Variants in TSPAN12 observed in about 807,000 individuals in gnomAD.
The protein encoded by TSPAN12 is tetraspanin 12, also known as tetraspanin-12.
In TSPAN12, 19 loss-of-function variants were observed where a neutral mutation model predicts 39.2. That is an observed-to-expected ratio of 0.49 (90% confidence interval 0.34 to 0.71). TSPAN12 has a LOEUF of 0.71. Ranked by LOEUF, TSPAN12 falls within the 30% of genes least tolerant of loss-of-function variation. The pLI, the probability that TSPAN12 is intolerant of heterozygous loss-of-function variation, is 0.01. For synonymous variants in TSPAN12, 119 were observed against 124.8 expected (o/e 0.95, Z 0.31); for missense variants, 314 against 359.9 (o/e 0.87, Z 1.03).
chr7:120,822,817 G>A (rs1184071409), intron 4 of TSPAN12, among the ~76,000 whole-genome samples: 3 of 152,088 alleles, frequency 2.0e-5, no homozygotes, highest in Admixed American at 2.0e-4. Flanking sequence ...AGTCAGGATT[G>A]GGGACAGCAG....
At chr7:120,803,525 A>C (rs1191549622) in intron 7 of TSPAN12, among the ~76,000 whole-genome samples, 1 of 152,174 alleles carries the variant, frequency 6.6e-6, no homozygotes, top group Non-Finnish European at 1.5e-5. Flanking sequence ...AAAACTACTA[A>C]ATGATCCTCT....
At chr7:120,823,387 A>C (rs926990006) in intron 4 of TSPAN12, among the ~76,000 whole-genome samples, 7 of 152,170 alleles carry the variant, frequency 4.6e-5, no homozygotes, top group African/African-American at 1.7e-4. Context: ...TCAGAGTTGA[A>C]TTAAACATAA....
At chr7:120,818,611 T>A (rs749921034) in intron 4 of TSPAN12, among the ~76,000 whole-genome samples, 5 of 152,148 alleles carry the variant, frequency 3.3e-5, no homozygotes, top group Admixed American at 6.6e-5. Flanking sequence ...TTAGTTTTAA[T>A]CTGCTTCCTT....
At chr7:120,791,892 C>CA (rs1256070581) in intron 7 of TSPAN12, among the ~76,000 whole-genome samples, 2 of 151,912 alleles carry the variant, frequency 1.3e-5, no homozygotes, top group South Asian at 2.1e-4. Flanking sequence ...AAAAACATGG[C>CA]AAAAAAGCAC....
chr7:120,808,327 G>A (rs1211508185), intron 6 of TSPAN12, among the ~76,000 whole-genome samples: 2 of 152,112 alleles, frequency 1.3e-5, no homozygotes, highest in African/African-American at 4.8e-5. Flanking sequence ...GTATATAATT[G>A]TCCTTCTTCA....
chr7:120,798,310 C>T (rs146493207), intron 7 of TSPAN12, among the ~76,000 whole-genome samples: 9 of 152,190 alleles, frequency 5.9e-5, no homozygotes, highest in Non-Finnish European at 1.2e-4. Flanking sequence ...CAGATACCAC[C>T]GCAAGTCACA....
At chr7:120,826,559 G>A (rs978129872) in intron 4 of TSPAN12, among the ~76,000 whole-genome samples, 4 of 152,202 alleles carry the variant, frequency 2.6e-5, no homozygotes, top group East Asian at 1.9e-4. Context: ...ACATGAACAT[G>A]CAAACAGGAA....
At chr7:120,799,530 A>ATAATTATATATAATTTTATATATAAT (rs1793705014) in intron 7 of TSPAN12, among the ~76,000 whole-genome samples, 1 of 110,440 alleles carries the variant, frequency 9.1e-6, no homozygotes, top group Non-Finnish European at 1.8e-5. Context: ...TTAATTATAT[A>ATAATTATATATAATTTTATATATAAT]TAATTATATA....
At chr7:120,827,811 A>T (rs987440548) in intron 4 of TSPAN12, among the ~76,000 whole-genome samples, 38 of 152,208 alleles carry the variant, frequency 2.5e-4, no homozygotes, top group African/African-American at 8.9e-4. Flanking sequence ...ACCACAGTCC[A>T]CTGACACTAG....
At chr7:120,834,342 A>T (rs1794439320) in intron 4 of TSPAN12, among the ~76,000 whole-genome samples, 1 of 152,188 alleles carries the variant, frequency 6.6e-6, no homozygotes, top group Non-Finnish European at 1.5e-5. Context: ...AACAACTTAC[A>T]TCTATAAATC....
At chr7:120,850,002 CT>C (rs1177642155) in intron 2 of TSPAN12, among the ~76,000 whole-genome samples, 1 of 152,140 alleles carries the variant, frequency 6.6e-6, no homozygotes, top group Admixed American at 6.5e-5. Context: ...TCCCTTTTGC[CT>C]TTTTGTGAGT....
At chr7:120,810,899 A>G (rs1415297008) in intron 5 of TSPAN12, among the ~76,000 whole-genome samples, 1 of 152,196 alleles carries the variant, frequency 6.6e-6, no homozygotes, top group East Asian at 1.9e-4. Context: ...GAAGACTTTC[A>G]CATAACAAAT....
rs1419840777 is a variant in TSPAN12, at chr7:120,799,913, A to T, written c.612+6636T>A. ...TTAATAAATATTTAATATATTTATT[A>T]TATTAAATATTTATTATAATAGAAT... On this transcript the variant is annotated intron_variant, in intron 7 of 7. Transcript: ENST00000222747. 4.2e-5 allele frequency among the ~76,000 whole-genome samples: 6 copies of T among 143,414 alleles called. No individual in the cohort carries two copies. The East Asian group carries it at 9.9e-4, about 24-fold the overall frequency. 94.1% of individuals were successfully genotyped at this position (143,414 alleles called of 152,430 possible).
chr7:120,804,204 C>T (rs1035570474), intron 7 of TSPAN12, among the ~76,000 whole-genome samples: 1 of 152,160 alleles, frequency 6.6e-6, no homozygotes, highest in Non-Finnish European at 1.5e-5. Context: ...ATACTTCTAA[C>T]TATACTGTAG....
At chr7:120,793,142 C>A (rs1211627639) in intron 7 of TSPAN12, among the ~76,000 whole-genome samples, 3 of 152,136 alleles carry the variant, frequency 2.0e-5, no homozygotes, top group African/African-American at 7.2e-5. Flanking sequence ...CTAAATAGTC[C>A]TAGTTTTCAA....
chr7:120,837,159 T>C (rs923355041), intron 4 of TSPAN12, among the ~76,000 whole-genome samples: 2 of 152,212 alleles, frequency 1.3e-5, no homozygotes, highest in Non-Finnish European at 2.9e-5. Context: ...TAAGTCCTTT[T>C]GTTTATGTTT....
chr7:120,856,378 G>A (rs538069831), intron 2 of TSPAN12, among the ~76,000 whole-genome samples: 3 of 152,198 alleles, frequency 2.0e-5, no homozygotes, highest in East Asian at 3.9e-4. Context: ...CCGCAAACAA[G>A]CAGTTCCCTA....
intron 4 of TSPAN12, among the ~76,000 whole-genome samples, chr7:120,818,146 T>C (rs562269893): frequency 4.6e-5 from 7 of 152,128 alleles, no homozygotes; most frequent in African/African-American, 1.4e-4. Context: ...CATGGTGAGC[T>C]AGCTAGTTAA....
At chr7:120,790,516 T>C (rs1316194327) in intron 7 of TSPAN12, among the ~76,000 whole-genome samples, 5 of 152,160 alleles carry the variant, frequency 3.3e-5, no homozygotes, top group South Asian at 2.1e-4. Flanking sequence ...AAATTAAAAA[T>C]AGATGGAAAA....
Sources: allele counts gnomAD v4.1 joint callset (sites outside exome capture counted in the v4.1 genomes callset), GRCh38; gene constraint gnomAD v4.1.1; transcripts MANE v1.5; gene names NCBI Gene and HGNC (gene_info 2026-07-23, HGNC 2026-07-21).